Variants in NTNG1 observed in about 807,000 individuals in gnomAD.
The protein encoded by NTNG1 is netrin G1.
Under a neutral mutation model 54.0 loss-of-function variants are expected in NTNG1, and 16 were observed. The ratio of observed to expected loss-of-function variants is 0.30; its 90% CI spans 0.20 to 0.45. The LOEUF (loss-of-function observed/expected upper bound fraction) is 0.45. Among genes scored for constraint, NTNG1 ranks in the 20% least tolerant of loss-of-function variants. The pLI is 1.00. For synonymous variants in NTNG1, 255 were observed against 263.1 expected, an observed-to-expected ratio of 0.97 and a Z score of 0.30; for missense variants, 530 against 678.7, an observed-to-expected ratio of 0.78 and a Z score of 2.43.
rs192149155 is a variant in NTNG1 at position 107,483,990 on chromosome 1, G to T, written c.*3150G>T. ...AGAGACCCATTCTGACTCTCCTCCA[G>T]CTTTCTCCCAGATATCAGGAACCTA... is the stretch of plus-strand genomic sequence containing the variant. On this transcript the variant is annotated 3_prime_UTR_variant, in exon 8 of 8. Coordinates refer to ENST00000370068, the MANE Select transcript of NTNG1 (RefSeq NM_001113226.3). 3.3e-5 allele frequency among the ~76,000 whole-genome samples: 5 copies of T among 152,278 alleles called. No homozygotes were observed. Among genetic ancestry groups the T allele is most frequent in the African/African-American group, 1.2e-4 (5 of 41,540 alleles).
intron 7 of NTNG1, among the ~76,000 whole-genome samples, chr1:107,469,817 G>A (rs142067344): frequency 3.1e-4 from 47 of 152,200 alleles, no homozygotes; most frequent in Non-Finnish European, 5.4e-4. Context: ...ACTAATGACA[G>A]CAACAATAAA....
intron 5 of NTNG1, among the ~76,000 whole-genome samples, chr1:107,426,488 CTTTA>C (rs1461769051): frequency 1.3e-5 from 2 of 151,944 alleles, no homozygotes; most frequent in African/African-American, 2.4e-5. Flanking sequence ...GGGTATGTGG[CTTTA>C]TTGTTGGATT....
chr1:107,344,349 G>GTAGTT (rs1447921772), intron 3 of NTNG1, among the ~76,000 whole-genome samples: 1 of 152,010 alleles, frequency 6.6e-6, no homozygotes, highest in Non-Finnish European at 1.5e-5. Context: ...TTTTTTGTTT[G>GTAGTT]TTGTTTTGTT....
At chr1:107,224,037 A>G (rs1660520736) in intron 2 of NTNG1, among the ~76,000 whole-genome samples, 1 of 152,218 alleles carries the variant, frequency 6.6e-6, no homozygotes. Flanking sequence ...ACGAAGTCAC[A>G]GATTTGATCC....
intron 3 of NTNG1, among the ~76,000 whole-genome samples, chr1:107,356,445 C>G (rs949723116): frequency 2.0e-5 from 3 of 151,876 alleles, no homozygotes; most frequent in African/African-American, 4.8e-5. Flanking sequence ...AGGCGCCCAC[C>G]ACCACACCTG....
At chr1:107,189,014 A>T (rs1195616464) in intron 2 of NTNG1, among the ~76,000 whole-genome samples, 1 of 152,074 alleles carries the variant, frequency 6.6e-6, no homozygotes, top group Admixed American at 6.6e-5. Flanking sequence ...ATTTGAAAGA[A>T]TAGGTGTTGG....
At chr1:107,435,528 A>T (rs1367175361) in intron 6 of NTNG1, among the ~76,000 whole-genome samples, 1 of 152,172 alleles carries the variant, frequency 6.6e-6, no homozygotes, top group African/African-American at 2.4e-5. Flanking sequence ...TTATTTGAAG[A>T]ATAATTAGTG....
chr1:107,328,276 A>T (rs1282577585), intron 3 of NTNG1, among the ~76,000 whole-genome samples: 2 of 152,110 alleles, frequency 1.3e-5, no homozygotes, highest in African/African-American at 4.8e-5. Context: ...ATAACAGACG[A>T]GTGCAGTGTG....
At chr1:107,210,289 GAACAAA>G (rs1339731699) in intron 2 of NTNG1, among the ~76,000 whole-genome samples, 2 of 152,104 alleles carry the variant, frequency 1.3e-5, no homozygotes, top group African/African-American at 4.8e-5. Context: ...ACTTGGAATG[GAACAAA>G]AACAAAGCAA....
intron 2 of NTNG1, among the ~76,000 whole-genome samples, chr1:107,185,058 C>T (rs1300690825): frequency 1.3e-5 from 2 of 152,130 alleles, no homozygotes; most frequent in African/African-American, 4.8e-5. Flanking sequence ...CTCACTGGAG[C>T]ACCTTCATGT....
At chr1:107,375,663 A>G (rs1252890600) in intron 3 of NTNG1, among the ~76,000 whole-genome samples, 2 of 152,240 alleles carry the variant, frequency 1.3e-5, no homozygotes, top group Non-Finnish European at 2.9e-5. Context: ...CTGACCCAAA[A>G]AGGGATTACA....
At chr1:107,379,080 A>G (rs1052236246) in intron 3 of NTNG1, among the ~76,000 whole-genome samples, 1 of 152,124 alleles carries the variant, frequency 6.6e-6, no homozygotes, top group African/African-American at 2.4e-5. Context: ...ATTGACCTTT[A>G]CTTTGCTACC....
At position 107,484,153 on chromosome 1, in the gene NTNG1, A is replaced by G. The variant is rs186876578; in HGVS notation, c.*3313A>G. 1.4e-4 allele frequency among the ~76,000 whole-genome samples: 21 copies of G among 152,322 alleles called. No homozygotes were observed. Among genetic ancestry groups the G allele is most frequent in the African/African-American group, 4.6e-4 (19 of 41,580 alleles). The stretch of plus-strand genomic sequence containing the variant: ...GGGCACAGGGAGTGGCAAAGGGTGC[A>G]TCTGTGTGGATGGATTAGGCCCTGG... On this transcript the variant is annotated 3_prime_UTR_variant, in exon 8 of 8. Transcript: ENST00000370068.
intron 7 of NTNG1, among the ~76,000 whole-genome samples, chr1:107,480,090 C>A (rs1678589428): frequency 6.6e-6 from 1 of 152,048 alleles, no homozygotes; most frequent in African/African-American, 2.4e-5. Flanking sequence ...CCCTCCTCAT[C>A]CCCATGCCTC....
chr1:107,161,752 TA>T (rs915635616), intron 2 of NTNG1, among the ~76,000 whole-genome samples: 207 of 146,858 alleles, frequency 1.4e-3, no homozygotes, highest in Middle Eastern at 3.5e-3. Context: ...TTGTTAGAAT[TA>T]AAAAAAAAAA....
intron 2 of NTNG1, among the ~76,000 whole-genome samples, chr1:107,151,120 T>C: frequency 6.6e-6 from 1 of 152,210 alleles, no homozygotes; most frequent in East Asian, 1.9e-4. Context: ...ATGCTTAATT[T>C]GTATTCCTTA....
intron 2 of NTNG1, 83 bp from the exon 3 acceptor site, chr1:107,324,199 G>C: frequency 7.9e-7 from 1 of 1,262,006 alleles, no homozygotes; most frequent in South Asian, 1.4e-5. Context: ...TCCTTTTCTA[G>C]CCTCTTACTG....
chr1:107,322,696 A>G (rs1055097620), intron 2 of NTNG1, among the ~76,000 whole-genome samples: 2 of 152,072 alleles, frequency 1.3e-5, no homozygotes, highest in Non-Finnish European at 2.9e-5. Context: ...GATACTATAA[A>G]TAGTGCCACA....
chr1:107,404,092 TATA>T lies in NTNG1; in HGVS notation c.1061-3589_1061-3587del, dbSNP rs1295533966. 1.1e-4 allele frequency among the ~76,000 whole-genome samples: 17 copies of T among 149,408 alleles called. No individual in the cohort carries two copies. The South Asian group carries it at 3.5e-3, about 31-fold the overall frequency. On this transcript the variant is annotated intron_variant, in intron 4 of 7. Transcript: ENST00000370068. ...AACTCCTTCTTAATTTATATATATA[TATA>T]TATATGTATAATTTTATATTTTAAT...
Sources: gnomAD v4.1 joint callset for allele counts (sites outside exome capture counted in the v4.1 genomes callset) on GRCh38, gnomAD v4.1.1 for gene constraint, MANE v1.5 for transcripts, NCBI Gene and HGNC (gene_info 2026-07-23, HGNC 2026-07-21) for gene names.